The following ZMYM2 variants were observed in gnomAD, a reference collection of about 807,000 sequenced individuals.
The protein encoded by ZMYM2 is zinc finger MYM-type containing 2, also known as zinc finger MYM-type protein 2.
Under a neutral mutation model 162.8 loss-of-function variants are expected in ZMYM2, and 56 were observed. That is an observed-to-expected ratio of 0.34 (90% CI 0.28 to 0.43). The LOEUF is 0.43. Ranked by LOEUF, ZMYM2 falls within the 20% of genes least tolerant of loss-of-function variation. The pLI, the probability that ZMYM2 is intolerant of heterozygous loss-of-function variation, is 1.00. For missense variants in ZMYM2, 1,275 were observed against 1,621.8 expected, an observed-to-expected ratio of 0.79 and a Z score of 3.67; for synonymous variants, 510 against 541.6, an observed-to-expected ratio of 0.94 and a Z score of 0.81.
At chr13:20,020,315 A>G (rs1197684334) in intron 7 of ZMYM2, among the ~76,000 whole-genome samples, 1 of 150,940 alleles carries the variant, frequency 6.6e-6, no homozygotes, top group Non-Finnish European at 1.5e-5. Flanking sequence ...GCTCACCGCA[A>G]CCTCCGCCCC....
At chr13:19,994,551 G>A (rs1949874471) in intron 3 of ZMYM2, among the ~76,000 whole-genome samples, 2 of 151,846 alleles carry the variant, frequency 1.3e-5, no homozygotes, top group African/African-American at 4.8e-5. Flanking sequence ...GTGCAGTGGC[G>A]CAATCTTGGC....
intron 11 of ZMYM2, among the ~76,000 whole-genome samples, chr13:20,036,139 G>A (rs1217333204): frequency 2.0e-5 from 3 of 152,044 alleles, no homozygotes; most frequent in African/African-American, 4.8e-5. Flanking sequence ...TGTGATCCTC[G>A]TAGAGGTGTT....
chr13:19,884,788 A>G, the ZMYM2 span, among the ~76,000 whole-genome samples: 1 of 152,122 alleles, frequency 6.6e-6, no homozygotes, highest in Non-Finnish European at 1.5e-5. Context: ...CCCAAGACAG[A>G]AAAACAAAAT....
the ZMYM2 span, among the ~76,000 whole-genome samples, chr13:19,898,768 T>TA: frequency 0.14 from 21,093 of 150,412 alleles, 1,809 homozygotes; most frequent in African/African-American, 0.25. Context: ...TCTACAAAAA[T>TA]AAAAAAAAAT....
At chr13:19,997,666 C>T (rs927209851) in intron 3 of ZMYM2, among the ~76,000 whole-genome samples, 3 of 152,000 alleles carry the variant, frequency 2.0e-5, no homozygotes, top group Admixed American at 6.6e-5. Flanking sequence ...TAAATGTGCT[C>T]AAATTAGTTT....
intron 2 of ZMYM2, among the ~76,000 whole-genome samples, chr13:19,964,813 T>C (rs890933408): frequency 2.0e-5 from 3 of 152,110 alleles, no homozygotes; most frequent in Admixed American, 1.3e-4. Context: ...TAAAAATTTA[T>C]CCATAAAAAT....
intron 16 of ZMYM2, among the ~76,000 whole-genome samples, chr13:20,060,447 C>T (rs1956143824): frequency 6.6e-6 from 1 of 152,076 alleles, no homozygotes; most frequent in African/African-American, 2.4e-5. Context: ...AGGAGGCTGA[C>T]ATGGGCAGAT....
chr13:19,910,879 C>A, the ZMYM2 span, among the ~76,000 whole-genome samples: 2 of 152,130 alleles, frequency 1.3e-5, no homozygotes, highest in South Asian at 4.2e-4. Context: ...CTCTGGGAGA[C>A]CTGTGGTGTC....
At chr13:19,883,289 T>C in the ZMYM2 span, among the ~76,000 whole-genome samples, 13 of 152,314 alleles carry the variant, frequency 8.5e-5, no homozygotes, top group African/African-American at 2.6e-4. Flanking sequence ...GGATTTTCTT[T>C]TGGGATGATG....
chr13:19,925,595 AGGTGC>A, the ZMYM2 span, among the ~76,000 whole-genome samples: 1 of 152,184 alleles, frequency 6.6e-6, no homozygotes, highest in South Asian at 2.1e-4. Context: ...AATACTGGCC[AGGTGC>A]GGTGGCTCAT....
At chr13:20,052,890 A>G (rs552993152) in intron 14 of ZMYM2, among the ~76,000 whole-genome samples, 2 of 152,196 alleles carry the variant, frequency 1.3e-5, no homozygotes, top group Non-Finnish European at 2.9e-5. Context: ...GGCTTTATGC[A>G]TTTATTTTTC....
At chr13:20,075,284 CTTT>C (rs993231834) in intron 21 of ZMYM2, among the ~76,000 whole-genome samples, 1 of 152,096 alleles carries the variant, frequency 6.6e-6, no homozygotes, top group Non-Finnish European at 1.5e-5. Context: ...GAAACAGTAT[CTTT>C]TTTTGTAAGG....
the ZMYM2 span, among the ~76,000 whole-genome samples, chr13:19,898,626 C>T: frequency 2.0e-5 from 3 of 151,758 alleles, no homozygotes; most frequent in Admixed American, 2.0e-4. Context: ...CACACAGTAC[C>T]AAAATTTATG....
intron 1 of ZMYM2, among the ~76,000 whole-genome samples, chr13:19,959,519 AGGGCAACTGCTTG>A (rs1027762171): frequency 2.6e-5 from 4 of 152,238 alleles, no homozygotes; most frequent in Admixed American, 2.6e-4. Flanking sequence ...CCTCAGGCCC[AGGGCAACTGCTTG>A]GGGCAAATGT....
the ZMYM2 span, among the ~76,000 whole-genome samples, chr13:19,947,276 G>T: frequency 6.6e-6 from 1 of 151,550 alleles, no homozygotes; most frequent in Non-Finnish European, 1.5e-5. Flanking sequence ...TAGCCAGGAT[G>T]GTCTCGATCT....
chr13:19,899,764 C>G, the ZMYM2 span, among the ~76,000 whole-genome samples: 3 of 134,522 alleles, frequency 2.2e-5, no homozygotes, highest in South Asian at 7.1e-4. Context: ...TTGCAGTGAG[C>G]CAAGATTGTG....
At chr13:20,079,494 A>G (rs1473422655) in intron 21 of ZMYM2, among the ~76,000 whole-genome samples, 2 of 151,974 alleles carry the variant, frequency 1.3e-5, no homozygotes, top group Admixed American at 1.3e-4. Flanking sequence ...AACCACACAC[A>G]GGATTTCTTC....
intron 6 of ZMYM2, among the ~76,000 whole-genome samples, chr13:20,008,683 C>T (rs747884182): frequency 1.3e-5 from 2 of 152,130 alleles, no homozygotes; most frequent in Admixed American, 6.5e-5. Flanking sequence ...ATGGCTAATA[C>T]TTTATTTGGT....
chr13:19,938,100 T>C, the ZMYM2 span, among the ~76,000 whole-genome samples: 17 of 152,172 alleles, frequency 1.1e-4, no homozygotes, highest in Non-Finnish European at 2.1e-4. Flanking sequence ...TGAATAGTGC[T>C]GCAATACACA....
Sources: allele counts gnomAD v4.1 joint callset (sites outside exome capture counted in the v4.1 genomes callset), GRCh38; gene constraint gnomAD v4.1.1; transcripts MANE v1.5; gene names NCBI Gene and HGNC (gene_info 2026-07-23, HGNC 2026-07-21).